The following ITM2B variants were observed in gnomAD, a reference collection of about 807,000 sequenced individuals.
ITM2B encodes the protein ABri/ADan amyloid peptide.
ITM2B carries 11 observed loss-of-function variants against 27.8 expected under a neutral mutation model. That is an observed-to-expected ratio of 0.40 (90% CI 0.25 to 0.66). The LOEUF (loss-of-function observed/expected upper bound fraction) is 0.66, where lower values mean the gene tolerates loss of function less well. Ranked by LOEUF, ITM2B falls within the 30% of genes least tolerant of loss-of-function variation. The probability of loss-of-function intolerance (pLI) is 0.43; values close to 1 mark genes in which losing one functional copy is unlikely to be tolerated. For synonymous variants in ITM2B, 114 were observed against 114.3 expected, an observed-to-expected ratio of 1.00 and a Z score of 0.02; for missense variants, 296 against 328.9, an observed-to-expected ratio of 0.90 and a Z score of 0.77.
At chr13:48,234,195 G>A (rs1298098861) in intron 1 of ITM2B, among the ~76,000 whole-genome samples, 3 of 152,084 alleles carry the variant, frequency 2.0e-5, no homozygotes, top group Non-Finnish European at 4.4e-5. Context: ...CCTGCTGCGT[G>A]AAACTAAACA....
chr13:48,250,474 C>T (rs1235284511), intron 1 of ITM2B, among the ~76,000 whole-genome samples: 8 of 152,042 alleles, frequency 5.3e-5, no homozygotes, highest in South Asian at 2.1e-4. Context: ...AAAAATTAGC[C>T]GGGTGTGGTG....
rs1951871041 is a variant in ITM2B, at chr13:48,269,317, C to CT, written c.*8095dup. Reference sequence around the variant, plus strand: ...ATAGTAGTCAAAGCTGCTATCATCTCTTGCTTGGATTGGTGCAATGGCCTC... The same window carrying CT: ...ATAGTAGTCAAAGCTGCTATCATCTCTTTGCTTGGATTGGTGCAATGGCCTC... On this transcript the variant is annotated 3_prime_UTR_variant, in exon 6 of 6. Coordinates refer to ENST00000647800, the MANE Select transcript of ITM2B (RefSeq NM_021999.5). 6.6e-6 allele frequency: 1 copy of CT among 152,272 alleles called. No individual in the cohort carries two copies. Among genetic ancestry groups the CT allele is most frequent in the Admixed American group, 6.5e-5 (1 of 15,278 alleles). 9.4% of individuals were successfully genotyped at this position (152,272 alleles called of 1,614,324 possible). A position where few individuals can be genotyped will look rare whatever the true frequency, so the allele number is the denominator to read the frequency against.
chr13:48,240,429 A>G (rs1162838657), intron 1 of ITM2B, among the ~76,000 whole-genome samples: 1 of 152,032 alleles, frequency 6.6e-6, no homozygotes, highest in East Asian at 1.9e-4. Context: ...TTGGTCTCGA[A>G]CTCCTGACCT....
intron 1 of ITM2B, among the ~76,000 whole-genome samples, chr13:48,253,370 T>C (rs898601304): frequency 3.3e-5 from 5 of 152,224 alleles, no homozygotes; most frequent in Non-Finnish European, 7.3e-5. Context: ...GTAGCAGGCC[T>C]AACACATAAT....
intron 5 of ITM2B, among the ~76,000 whole-genome samples, chr13:48,259,909 T>A (rs916263912): frequency 2.0e-5 from 3 of 152,102 alleles, no homozygotes; most frequent in African/African-American, 7.2e-5. Context: ...TGCAGGTTTG[T>A]TACATAGGTA....
intron 5 of ITM2B, 92 bp downstream of exon 5, chr13:48,259,039 C>G (rs1222059536): frequency 1.2e-6 from 1 of 844,916 alleles, no homozygotes; most frequent in African/African-American, 1.7e-5. Context: ...ACCAATATAC[C>G]TGCCATGAGT....
intron 1 of ITM2B, among the ~76,000 whole-genome samples, chr13:48,243,820 A>C (rs966280584): frequency 1.2e-4 from 19 of 152,022 alleles, no homozygotes; most frequent in African/African-American, 4.4e-4. Flanking sequence ...CTGTCTCAAA[A>C]AAAAATTAAT....
At chr13:48,261,016 A>G (rs557170780) in intron 5 of ITM2B, 123 bp from the exon 6 acceptor site, 19 of 690,546 alleles carry the variant, frequency 2.8e-5, no homozygotes, top group African/African-American at 2.2e-4. Context: ...TTCAAACTGT[A>G]GAAGTTTTTG....
Position 48,233,391 on chromosome 13 carries a change from G to A in ITM2B, c.31G>A (p.Ala11Thr), listed in dbSNP as rs866736004. The change falls in exon 1 of 6, where the codon GCC becomes ACC. Residue 11 changes from alanine to threonine, a missense_variant. Ala to Thr is a moderately conservative substitution (Grantham distance 58). Coordinates refer to ENST00000647800, the MANE Select transcript of ITM2B (RefSeq NM_021999.5). MVKVTFNSAL[A>T]QKEAKKDEPK... is the part of the protein sequence containing the mutation. ...GAAGGTGACGTTCAACTCCGCTCTGGCCCAGAAGGAGGCCAAGAAGGACGA... is the reference window on the plus strand; with the variant it reads ...GAAGGTGACGTTCAACTCCGCTCTGACCCAGAAGGAGGCCAAGAAGGACGA... 1.3e-6 allele frequency: 2 copies of A among 1,566,210 alleles called. No homozygotes were observed. Among genetic ancestry groups the A allele is most frequent in the Admixed American group, 3.7e-5 (2 of 54,422 alleles).
At chr13:48,252,933 A>G (rs1259281542) in intron 1 of ITM2B, among the ~76,000 whole-genome samples, 1 of 152,232 alleles carries the variant, frequency 6.6e-6, no homozygotes, top group Non-Finnish European at 1.5e-5. Flanking sequence ...GTGACAGATT[A>G]GAGGGATCAG....
At chr13:48,239,214 CCTGT>C (rs1243642850) in intron 1 of ITM2B, among the ~76,000 whole-genome samples, 1 of 152,136 alleles carries the variant, frequency 6.6e-6, no homozygotes, top group Non-Finnish European at 1.5e-5. Context: ...CATAAAATTT[CCTGT>C]CTATCAGTTT....
chr13:48,260,674 T>C (rs1652528800), intron 5 of ITM2B, among the ~76,000 whole-genome samples: 1 of 152,220 alleles, frequency 6.6e-6, no homozygotes, highest in Admixed American at 6.5e-5. Flanking sequence ...GGCCTCCAGC[T>C]GTATCCATAC....
chr13:48,253,425 C>T (rs1399307883), intron 1 of ITM2B, among the ~76,000 whole-genome samples: 1 of 152,130 alleles, frequency 6.6e-6, no homozygotes, highest in African/African-American at 2.4e-5. Flanking sequence ...TTATAATGTA[C>T]AAGGCTCATC....
intron 1 of ITM2B, among the ~76,000 whole-genome samples, chr13:48,251,564 T>C (rs1002241313): frequency 2.0e-5 from 3 of 152,234 alleles, no homozygotes; most frequent in Non-Finnish European, 4.4e-5. Flanking sequence ...AAAAATGATA[T>C]ATTACAATGC....
chr13:48,261,170 C>G lies in ITM2B; in HGVS notation c.747C>G (p.Phe249Leu), dbSNP rs765077508. The G allele has an allele frequency of 1.2e-6, 2 of 1,612,288 alleles. No homozygotes were observed. Among genetic ancestry groups the G allele is most frequent in the Admixed American group, 1.7e-5 (1 of 59,944 alleles). ...GIQKREASNC[F>L]AIRHFENKFA... ...AGAAACGTGAAGCCAGCAATTGTTT[C>G]GCAATTCGGCATTTTGAAAACAAAT... is the stretch of plus-strand genomic sequence containing the variant. Residue 249 changes from phenylalanine to leucine, a missense_variant, in exon 6 of 6, where the codon TTC (phenylalanine) becomes TTG (leucine). Physicochemically the swap from Phe to Leu is conservative, Grantham distance 22. Coordinates refer to ENST00000647800, the MANE Select transcript of ITM2B (RefSeq NM_021999.5).
rs1951861902 is a variant in ITM2B at position 48,267,923 on chromosome 13, T to C, written c.*6699T>C. On this transcript the variant is annotated 3_prime_UTR_variant, in exon 6 of 6. Transcript: ENST00000647800. ...TTTTGTTGTGAGTTTTATAGATAGT[T>C]TACATGCAACGAAATGCATATATCT... The C allele has an allele frequency of 6.6e-6, 1 of 152,230 alleles. No homozygotes were observed. The highest frequency in any genetic ancestry group is 2.1e-4 in the South Asian group (1 of 4,836). The allele number at this position is 152,230 out of a possible 1,614,324, so 9.4% of individuals were successfully genotyped here. A position where few individuals can be genotyped will look rare whatever the true frequency, so the allele number is the denominator to read the frequency against.
intron 3 of ITM2B, 84 bp downstream of exon 3, chr13:48,256,467 T>C: frequency 9.5e-7 from 1 of 1,049,700 alleles, no homozygotes; most frequent in East Asian, 2.5e-5. Context: ...TATTTGCTAA[T>C]TTATTATATT....
In ITM2B at chr13:48,267,233, A is replaced by T. The variant is rs1047094607; in HGVS notation, c.*6009A>T. The T allele has an allele frequency of 6.6e-6, 1 of 152,186 alleles. No individual in the cohort carries two copies. The highest frequency in any genetic ancestry group is 6.5e-5 in the Admixed American group (1 of 15,272). 9.4% of individuals were successfully genotyped at this position (152,186 alleles called of 1,614,324 possible). On this transcript the variant is annotated 3_prime_UTR_variant, in exon 6 of 6. Transcript: ENST00000647800. ...AGCCTTCAGACTAAGATGCAGGAAT[A>T]GTTTTCCATTTGGGTATGAATACGG...
rs1379412394 is a variant in ITM2B at position 48,261,686 on chromosome 13, A to T, written c.*462A>T. ...TAATTTTCCTCTAATTAAAATGTGC[A>T]GTATTTTCAGTGTCAAATATATTTA... On this transcript the variant is annotated 3_prime_UTR_variant, in exon 6 of 6. Coordinates refer to ENST00000647800, the MANE Select transcript of ITM2B (RefSeq NM_021999.5). The T allele has an allele frequency of 6.5e-6, 1 of 153,688 alleles. No homozygotes were observed. The highest frequency in any genetic ancestry group is 2.4e-5 in the African/African-American group (1 of 41,458). 9.5% of individuals were successfully genotyped at this position (153,688 alleles called of 1,614,324 possible). A position where few individuals can be genotyped will look rare whatever the true frequency, so the allele number is the denominator to read the frequency against.
Sources: gnomAD v4.1 joint callset for allele counts (sites outside exome capture counted in the v4.1 genomes callset) on GRCh38, gnomAD v4.1.1 for gene constraint, MANE v1.5 for transcripts, NCBI Gene and HGNC (gene_info 2026-07-23, HGNC 2026-07-21) for gene names.